The following CD200R1 variants were observed in gnomAD, a reference collection of about 807,000 sequenced individuals.
CD200R1 encodes CD200 receptor 1.
CD200R1 carries 30 observed loss-of-function variants against 38.1 expected under a neutral mutation model. The observed-to-expected ratio is 0.79, with a 90% confidence interval of 0.59 to 1.07. CD200R1 has a LOEUF of 1.07. CD200R1 is among the 50% of genes least tolerant of loss of function. The probability of loss-of-function intolerance (pLI) is 0.00; values close to 1 mark genes in which losing one functional copy is unlikely to be tolerated. For missense variants in CD200R1, 372 were observed against 415.4 expected, an observed-to-expected ratio of 0.90 and a Z score of 0.91; for synonymous variants, 128 against 152.1, an observed-to-expected ratio of 0.84 and a Z score of 1.16.
chr3:112,926,958 A>C (rs1310787727), intron 5 of CD200R1, among the ~76,000 whole-genome samples: 1 of 152,180 alleles, frequency 6.6e-6, no homozygotes, highest in Non-Finnish European at 1.5e-5. Flanking sequence ...GAAGCATCAA[A>C]TATAGAAGAA....
In CD200R1 at chr3:112,928,843, T is replaced by C. The variant is rs764827755; in HGVS notation, c.742A>G (p.Lys248Glu). ...TCHVSHLTGNKSLYIELLPVP... is the reference protein window; with the variant it reads ...TCHVSHLTGNESLYIELLPVP... ...GGAAGTAGCTCTATGTACAGACTCT[T>C]GTTGCCAGTCAAATGGGAGACGTGG... Residue 248 changes from lysine to glutamate, a missense_variant, in exon 5 of 8, where the codon AAG (lysine) becomes GAG (glutamate). Lys to Glu is a moderately conservative substitution (Grantham distance 56). Coordinates refer to ENST00000308611, the MANE Select transcript of CD200R1 (RefSeq NM_138806.4). The C allele has an allele frequency of 1.2e-5, 20 of 1,613,592 alleles. No individual in the cohort carries two copies. The South Asian group carries it at 1.9e-4, about 15-fold the overall frequency.
intron 2 of CD200R1, among the ~76,000 whole-genome samples, chr3:112,944,527 A>G (rs190590884): frequency 5.9e-5 from 9 of 152,160 alleles, no homozygotes; most frequent in African/African-American, 2.2e-4. Context: ...AGCTAGCATC[A>G]TAATTAATGG....
chr3:112,962,147 A>C (rs965152650), intron 1 of CD200R1, among the ~76,000 whole-genome samples: 1 of 152,198 alleles, frequency 6.6e-6, no homozygotes, highest in African/African-American at 2.4e-5. Context: ...AAGCCATCTT[A>C]CTGGCCTGTT....
At chr3:112,962,229 C>G (rs1933040628) in intron 1 of CD200R1, among the ~76,000 whole-genome samples, 1 of 152,036 alleles carries the variant, frequency 6.6e-6, no homozygotes, top group Non-Finnish European at 1.5e-5. Flanking sequence ...AACTCCAAAA[C>G]TACTTAATGA....
At chr3:112,964,092 T>C (rs1393096574) in intron 1 of CD200R1, among the ~76,000 whole-genome samples, 1 of 152,204 alleles carries the variant, frequency 6.6e-6, no homozygotes, top group Non-Finnish European at 1.5e-5. Flanking sequence ...TTTGGGAACC[T>C]CTGCCTAGAT....
At chr3:112,938,536 A>C (rs1940639100) in intron 2 of CD200R1, among the ~76,000 whole-genome samples, 1 of 152,200 alleles carries the variant, frequency 6.6e-6, no homozygotes, top group South Asian at 2.1e-4. Flanking sequence ...GGATACAGAC[A>C]ACCTAACAAC....
Position 112,956,850 on chromosome 3 carries a change from T to C in CD200R1, c.68-8926A>G, listed in dbSNP as rs547322759. ...CCAATGCCAAGTAGCCACTGAGGCA[T>C]GCCTACCTCTGAGGTTTGTTCAGAG... On this transcript the variant is annotated intron_variant, in intron 1 of 7. Transcript: ENST00000308611. 1.8e-4 allele frequency among the ~76,000 whole-genome samples: 28 copies of C among 152,308 alleles called. No homozygotes were observed. In the South Asian group the frequency reaches 3.9e-3, roughly 21 times the overall value.
rs374512571 is a variant in CD200R1 at position 112,936,246 on chromosome 3, T to C, written c.137-5075A>G. Among the ~76,000 whole-genome samples the C allele has an allele frequency of 2.8e-4, 43 of 152,348 alleles. 1 individual carries two copies. The East Asian group carries it at 4.0e-3, about 14-fold the overall frequency. On this transcript the variant is annotated intron_variant, in intron 2 of 7. Coordinates refer to ENST00000308611, the MANE Select transcript of CD200R1 (RefSeq NM_138806.4). ...GACTTCATGTCTTTGCTATTGTGAA[T>C]AGTGCTGCAATGAACATACACGTGC... is the stretch of plus-strand genomic sequence containing the variant.
At chr3:112,934,557 T>C (rs141869152) in intron 2 of CD200R1, among the ~76,000 whole-genome samples, 3,262 of 152,196 alleles carry the variant, frequency 0.021, 40 homozygotes, top group South Asian at 0.047. Context: ...CAGCTGGGCA[T>C]GGTGGCTCAC....
intron 1 of CD200R1, among the ~76,000 whole-genome samples, chr3:112,954,657 C>T (rs1486465700): frequency 6.6e-6 from 1 of 152,180 alleles, no homozygotes; most frequent in African/African-American, 2.4e-5. Flanking sequence ...CAAAGGACTG[C>T]ATTCAGAGAG....
chr3:112,936,332 C>G (rs973288130), intron 2 of CD200R1, among the ~76,000 whole-genome samples: 2 of 152,140 alleles, frequency 1.3e-5, no homozygotes, highest in Non-Finnish European at 2.9e-5. Context: ...AATCAGATTG[C>G]CGAGTCAAAC....
At chr3:112,930,722 A>G (rs1940410165) in intron 3 of CD200R1, among the ~76,000 whole-genome samples, 1 of 152,240 alleles carries the variant, frequency 6.6e-6, no homozygotes, top group African/African-American at 2.4e-5. Flanking sequence ...TAAACCCTGC[A>G]TTTAACATCT....
At chr3:112,940,286 A>G (rs531105118) in intron 2 of CD200R1, among the ~76,000 whole-genome samples, 2 of 152,070 alleles carry the variant, frequency 1.3e-5, no homozygotes, top group South Asian at 4.1e-4. Context: ...TAAGACCTCA[A>G]TAGCATAGGT....
Position 112,924,530 on chromosome 3 carries a change from T to A in CD200R1, c.884A>T (p.Tyr295Phe), listed in dbSNP as rs750952356. ...WLLKVNGCRKYKLNKTESTPV... is the reference protein window; with the variant it reads ...WLLKVNGCRKFKLNKTESTPV... ...AGTAGATTCTGTTTTATTCAATTTA[T>A]ATTTTCTATAAAAATAAAATAAATT... is the stretch of plus-strand genomic sequence containing the variant. Residue 295 changes from tyrosine (Y) to phenylalanine (F), a missense_variant, in exon 7 of 8, where the codon TAT (tyrosine) becomes TTT (phenylalanine). Coordinates refer to ENST00000308611, the MANE Select transcript of CD200R1 (RefSeq NM_138806.4). 37 of 1,237,652 alleles carry A rather than the reference T, an allele frequency of 3.0e-5. No homozygotes were observed. Among genetic ancestry groups the A allele is most frequent in the Non-Finnish European group, 9.4e-6 (9 of 955,128 alleles). The allele number at this position is 1,237,652 out of a possible 1,614,324, so 76.7% of individuals were successfully genotyped here. A position where few individuals can be genotyped will look rare whatever the true frequency, so the allele number is the denominator to read the frequency against.
At chr3:112,933,736 T>TA (rs1940511244) in intron 2 of CD200R1, among the ~76,000 whole-genome samples, 1 of 151,848 alleles carries the variant, frequency 6.6e-6, no homozygotes, top group Admixed American at 6.6e-5. Flanking sequence ...AACAATTCAA[T>TA]AAAATCAGGA....
chr3:112,926,457 C>T (rs754125060), intron 5 of CD200R1, among the ~76,000 whole-genome samples: 3 of 152,178 alleles, frequency 2.0e-5, no homozygotes, highest in Non-Finnish European at 4.4e-5. Context: ...TAAGCTCTCT[C>T]TCATTAAATT....
chr3:112,936,691 T>C (rs1940591793), intron 2 of CD200R1, among the ~76,000 whole-genome samples: 1 of 152,228 alleles, frequency 6.6e-6, no homozygotes. Flanking sequence ...TTGTAGATGC[T>C]GGACATTAGG....
intron 2 of CD200R1, among the ~76,000 whole-genome samples, chr3:112,939,869 C>CA (rs199986714): frequency 0.59 from 70,304 of 120,170 alleles, 19,698 homozygotes; most frequent in East Asian, 0.68. Context: ...ACAAACAAAC[C>CA]AAAAAAAAAA....
At chr3:112,945,394 A>G (rs1940825313) in intron 2 of CD200R1, among the ~76,000 whole-genome samples, 1 of 152,190 alleles carries the variant, frequency 6.6e-6, no homozygotes, top group African/African-American at 2.4e-5. Context: ...GAAACCAAAT[A>G]GAGAGCCCAG....
Sources: gnomAD v4.1 joint callset for allele counts (sites outside exome capture counted in the v4.1 genomes callset) on GRCh38, gnomAD v4.1.1 for gene constraint, MANE v1.5 for transcripts, NCBI Gene and HGNC (gene_info 2026-07-23, HGNC 2026-07-21) for gene names.